IL9R: variants seen among roughly 807,000 people sequenced by gnomAD.
The protein encoded by IL9R is interleukin 9 receptor.
In IL9R, 54 loss-of-function variants were observed where a neutral mutation model predicts 56.3. The observed-to-expected ratio is 0.96, with a 90% CI of 0.77 to 1.20. The LOEUF is 1.20. Ranked by LOEUF, IL9R falls within the 50% of genes most tolerant of loss-of-function variation. The pLI, the probability that IL9R is intolerant of heterozygous loss-of-function variation, is 0.00. For synonymous variants in IL9R, 212 were observed against 250.2 expected (o/e 0.85, Z 1.44); for missense variants, 545 against 629.8 (o/e 0.87, Z 1.44).
At chrX:156,003,169 C>G (rs1166742890) in intron 2 of IL9R, 150 bp downstream of exon 2, 6 of 905,330 alleles carry the variant, frequency 6.6e-6, no homozygotes, top group Middle Eastern at 3.4e-4. Context: ...GGACCTCAGT[C>G]TCTAGTCTCC....
chrX:156,009,298 ATG>A (rs1569479163), intron 8 of IL9R, among the ~76,000 whole-genome samples: 54 of 58,236 alleles, frequency 9.3e-4, no homozygotes, highest in Non-Finnish European at 1.6e-3. Context: ...GTGTGTGTTT[ATG>A]TGTGTGTGTC....
intron 8 of IL9R, among the ~76,000 whole-genome samples, chrX:156,008,611 G>A (rs1228179863): frequency 6.6e-6 from 1 of 152,134 alleles, no homozygotes; most frequent in African/African-American, 2.4e-5. Flanking sequence ...CTGTTCCCTA[G>A]AGAACTAGGA....
In IL9R at chrX:156,002,807, G is replaced by A. The variant is rs1490850924; in HGVS notation, c.29-99G>A. On this transcript the variant is annotated intron_variant, in intron 1 of 8. Coordinates refer to ENST00000244174, the MANE Select transcript of IL9R (RefSeq NM_002186.3). ...GACACAGGACACTGTGTGAGTGCAG[G>A]TGGGGACCCATGGAGCACTCTGCTG... is the stretch of plus-strand genomic sequence containing the variant. The A allele has an allele frequency of 2.6e-6, 4 of 1,551,264 alleles. No homozygotes were observed. The African/African-American group carries it at 4.1e-5, about 16-fold the overall frequency.
In IL9R at chrX:155,997,874, G is replaced by T. The variant is rs748592370; in HGVS notation, c.28+87G>T. ...GGGACATGTGGCCCTCCAACTCGGG[G>T]CCCAGGGAGCCACTGTGGCATTTGA... is the stretch of plus-strand genomic sequence containing the variant. On this transcript the variant is annotated intron_variant, in intron 1 of 8. Coordinates refer to ENST00000244174, the MANE Select transcript of IL9R (RefSeq NM_002186.3). The T allele has an allele frequency of 2.4e-5, 30 of 1,255,904 alleles. No homozygotes were observed. In the Admixed American group the frequency reaches 3.5e-4, roughly 15 times the overall value. The allele number at this position is 1,255,904 out of a possible 1,614,324, so 77.8% of individuals were successfully genotyped here. A position where few individuals can be genotyped will look rare whatever the true frequency, so the allele number is the denominator to read the frequency against.
At chrX:155,997,892 G>A in intron 1 of IL9R, 105 bp downstream of exon 1, 2 of 1,061,520 alleles carry the variant, frequency 1.9e-6, no homozygotes, top group East Asian at 2.4e-5. Context: ...AGCCACTGTG[G>A]CATTTGAGAG....
intron 4 of IL9R, chrX:156,004,120 A>C: frequency 3.3e-6 from 2 of 601,238 alleles, no homozygotes; most frequent in Non-Finnish European, 5.9e-6. Context: ...TGTGAAATGC[A>C]CTTCAGTCAT....
chrX:156,005,066 A>C (rs1323242607), intron 5 of IL9R, among the ~76,000 whole-genome samples: 1 of 151,858 alleles, frequency 6.6e-6, no homozygotes, highest in Non-Finnish European at 1.5e-5. Flanking sequence ...GTGTGTGCAT[A>C]TGTGTATTTG....
chrX:156,007,014 A>T (rs1008882313), intron 7 of IL9R, among the ~76,000 whole-genome samples: 1 of 151,836 alleles, frequency 6.6e-6, no homozygotes, highest in African/African-American at 2.4e-5. Flanking sequence ...TGGATGAGAT[A>T]TGAGTGGTGA....
intron 4 of IL9R, 45 bp downstream of exon 4, chrX:156,003,900 C>T: frequency 1.3e-6 from 2 of 1,599,514 alleles, no homozygotes; most frequent in Non-Finnish European, 1.7e-6. Flanking sequence ...TTGGCAAGAA[C>T]ATCCTGGCTG....
At chrX:156,003,945 A>G in intron 4 of IL9R, 90 bp downstream of exon 4, 1 of 1,320,636 alleles carries the variant, frequency 7.6e-7, no homozygotes, top group Non-Finnish European at 1.1e-6. Flanking sequence ...GCAGCCTGTG[A>G]GTGGCCCAGT....
In IL9R at chrX:156,008,986, TAA is replaced by T. The variant is rs1446555786; in HGVS notation, c.973-829_973-828del. ...TTATGTGTGTGTGTCTGTGTGTGTT[TAA>T]GTCTGTGTGTGTTTGTGTGTGTGTG... On this transcript the variant is annotated intron_variant, in intron 8 of 8. Transcript: ENST00000244174. Among the ~76,000 whole-genome samples the T allele has an allele frequency of 3.8e-3, 534 of 138,710 alleles. 1 individual carries two copies. Among genetic ancestry groups the T allele is most frequent in the African/African-American group, 0.013 (476 of 36,910 alleles). The allele number at this position is 138,710 out of a possible 152,430, so 91.0% of individuals were successfully genotyped here.
chrX:156,009,379 G>T (rs1404686620), intron 8 of IL9R, among the ~76,000 whole-genome samples: 4 of 150,388 alleles, frequency 2.7e-5, no homozygotes, highest in Non-Finnish European at 5.9e-5. Context: ...GTGTATCTGT[G>T]TGTGTTTGTG....
chrX:156,007,846 AT>A, intron 8 of IL9R: 1 of 526,850 alleles, frequency 1.9e-6, no homozygotes, highest in African/African-American at 3.0e-5. Flanking sequence ...TCCATTGTTG[AT>A]TGAAAAAATG....
intron 4 of IL9R, chrX:156,004,190 A>G: frequency 1.7e-6 from 1 of 602,486 alleles, no homozygotes; most frequent in Non-Finnish European, 2.9e-6. Context: ...TGTGAAGGAA[A>G]GGGAAAGCAA....
intron 8 of IL9R, among the ~76,000 whole-genome samples, chrX:156,009,056 TG>T: frequency 1.3e-5 from 2 of 151,124 alleles, no homozygotes; most frequent in Non-Finnish European, 1.5e-5. Flanking sequence ...TGTGTCTGTG[TG>T]TGTTTGTGTG....
chrX:156,005,519 G>T lies in IL9R; in HGVS notation c.781+40G>T, dbSNP rs768160030. On this transcript the variant is annotated intron_variant, in intron 6 of 8. Coordinates refer to ENST00000244174, the MANE Select transcript of IL9R (RefSeq NM_002186.3). ...GGCTGCTGCACTTCCAGCGGAGTCT[G>T]GGCTGGGCGTCTTCTCCCCTGTTCA... is the stretch of plus-strand genomic sequence containing the variant. The T allele has an allele frequency of 7.1e-6, 11 of 1,558,092 alleles. No individual in the cohort carries two copies. In the South Asian group the frequency reaches 1.1e-4, roughly 16 times the overall value.
At position 156,004,865 on chromosome X, in the gene IL9R, T is replaced by G. The variant is rs183686899; in HGVS notation, c.579+300T>G. ...ACACTCATGTTTGTGTGCCCATGTT[T>G]GTGTGTTTATATGTAAGTGTACATA... On this transcript the variant is annotated intron_variant, in intron 5 of 8. Transcript: ENST00000244174. 9.0e-3 allele frequency among the ~76,000 whole-genome samples: 1,369 copies of G among 152,174 alleles called. 25 individuals are homozygous for G. Among genetic ancestry groups the G allele is most frequent in the African/African-American group, 0.031 (1,295 of 41,488 alleles).
intron 8 of IL9R, among the ~76,000 whole-genome samples, chrX:156,008,460 C>T (rs969168378): frequency 3.3e-5 from 5 of 152,066 alleles, no homozygotes; most frequent in African/African-American, 9.7e-5. Flanking sequence ...AACCATGAAC[C>T]GGGCATCTGG....
In IL9R at chrX:156,009,846, C is replaced by T. The variant is rs374423429; in HGVS notation, c.1003C>T (p.Leu335=). The part of the protein sequence containing the change: ...TWMGAHGAGV[L]LSQDCAGTPQ... ...GATGGGGGCCCACGGGGCCGGTGTG[C>T]TGTTGAGCCAGGACTGTGCTGGCAC... The change falls in exon 9 of 9, where the codon CTG becomes TTG. Residue 335 remains leucine, a synonymous_variant. Transcript: ENST00000244174. The T allele has an allele frequency of 2.0e-6, 3 of 1,489,758 alleles. No individual in the cohort carries two copies. The highest frequency in any genetic ancestry group is 2.7e-6 in the Non-Finnish European group (3 of 1,120,926). The allele number at this position is 1,489,758 out of a possible 1,614,324, so 92.3% of individuals were successfully genotyped here. A position where few individuals can be genotyped will look rare whatever the true frequency, so the allele number is the denominator to read the frequency against.
Sources: gnomAD v4.1 joint callset for allele counts (sites outside exome capture counted in the v4.1 genomes callset) on GRCh38, gnomAD v4.1.1 for gene constraint, MANE v1.5 for transcripts, NCBI Gene and HGNC (gene_info 2026-07-23, HGNC 2026-07-21) for gene names.